Variants in SLC44A1 observed in about 807,000 individuals in gnomAD.
SLC44A1 encodes the protein choline transporter-like protein 1.
In SLC44A1, 26 loss-of-function variants were observed where a neutral mutation model predicts 79.3. That is an observed-to-expected ratio of 0.33 (90% confidence interval 0.24 to 0.46). SLC44A1 has a LOEUF of 0.46. Ranked by LOEUF, SLC44A1 falls within the 20% of genes least tolerant of loss-of-function variation. SLC44A1 has a pLI of 1.00. For missense variants in SLC44A1, 688 were observed against 798.1 expected, an observed-to-expected ratio of 0.86 and a Z score of 1.66; for synonymous variants, 263 against 286.2, an observed-to-expected ratio of 0.92 and a Z score of 0.82.
chr9:105,273,623 A>G (rs2131235407), intron 1 of SLC44A1, among the ~76,000 whole-genome samples: 1 of 152,184 alleles, frequency 6.6e-6, no homozygotes, highest in African/African-American at 2.4e-5. Context: ...AGCAGTAGGA[A>G]TCTTGAAGAT....
At chr9:105,275,724 A>T (rs572434459) in intron 1 of SLC44A1, among the ~76,000 whole-genome samples, 52 of 152,164 alleles carry the variant, frequency 3.4e-4, no homozygotes, top group African/African-American at 1.3e-3. Flanking sequence ...CCTTGATCAT[A>T]TCAGCAGTGC....
At chr9:105,416,677 T>C (rs1374473460) in intron 15 of SLC44A1, among the ~76,000 whole-genome samples, 1 of 152,196 alleles carries the variant, frequency 6.6e-6, no homozygotes, top group African/African-American at 2.4e-5. Context: ...TATGTTCTTA[T>C]AAAGTGTGAG....
chr9:105,376,898 T>A (rs1379301466), intron 13 of SLC44A1, among the ~76,000 whole-genome samples: 1 of 152,214 alleles, frequency 6.6e-6, no homozygotes, highest in Non-Finnish European at 1.5e-5. Context: ...AAAAATTAAA[T>A]TGGCCAAATT....
chr9:105,336,415 T>C (rs948277680), intron 4 of SLC44A1, among the ~76,000 whole-genome samples: 2 of 152,190 alleles, frequency 1.3e-5, no homozygotes, highest in Non-Finnish European at 2.9e-5. Flanking sequence ...GAAATCTAGC[T>C]CTGTTCTCTG....
intron 13 of SLC44A1, among the ~76,000 whole-genome samples, chr9:105,375,196 C>T (rs555939302): frequency 6.6e-6 from 1 of 152,152 alleles, no homozygotes; most frequent in Non-Finnish European, 1.5e-5. Flanking sequence ...CGTGCCACCA[C>T]GCCCGGCTAA....
At chr9:105,364,925 T>C (rs1344353902) in intron 10 of SLC44A1, among the ~76,000 whole-genome samples, 2 of 152,248 alleles carry the variant, frequency 1.3e-5, no homozygotes, top group African/African-American at 4.8e-5. Flanking sequence ...CTTTATACTT[T>C]TCTGCAGTTG....
At chr9:105,337,499 A>G (rs1826959701) in intron 4 of SLC44A1, among the ~76,000 whole-genome samples, 1 of 152,190 alleles carries the variant, frequency 6.6e-6, no homozygotes, top group Non-Finnish European at 1.5e-5. Context: ...ATGGAATGTA[A>G]TAGTCTTTCT....
intron 15 of SLC44A1, among the ~76,000 whole-genome samples, chr9:105,420,058 G>A (rs1829225487): frequency 6.6e-6 from 1 of 152,108 alleles, no homozygotes; most frequent in South Asian, 2.1e-4. Flanking sequence ...ATGCCGTTCA[G>A]CAGTTCTTCG....
chr9:105,366,150 A>C (rs777859343), intron 11 of SLC44A1, among the ~76,000 whole-genome samples, 196 bp from the exon 12 acceptor site: 2 of 152,176 alleles, frequency 1.3e-5, no homozygotes, highest in Non-Finnish European at 2.9e-5. Flanking sequence ...TGCAGTAGAG[A>C]CTAAATAAAT....
chr9:105,285,063 ATGT>A (rs1365717036), intron 1 of SLC44A1, among the ~76,000 whole-genome samples: 1 of 152,174 alleles, frequency 6.6e-6, no homozygotes, highest in Non-Finnish European at 1.5e-5. Flanking sequence ...AGGTTCATTC[ATGT>A]TGTAGCATGT....
chr9:105,424,925 G>A (rs1180264219), intron 15 of SLC44A1, among the ~76,000 whole-genome samples: 1 of 146,228 alleles, frequency 6.8e-6, no homozygotes, highest in African/African-American at 2.7e-5. Context: ...CTCCAGCCTG[G>A]GCAACAGAGT....
At chr9:105,351,461 G>A (rs1170445286) in intron 5 of SLC44A1, among the ~76,000 whole-genome samples, 1 of 151,664 alleles carries the variant, frequency 6.6e-6, no homozygotes, top group Non-Finnish European at 1.5e-5. Flanking sequence ...TTGAACCTGG[G>A]AGGTGGAATT....
At chr9:105,331,163 G>A (rs1195011388) in intron 3 of SLC44A1, among the ~76,000 whole-genome samples, 1 of 152,150 alleles carries the variant, frequency 6.6e-6, no homozygotes, top group African/African-American at 2.4e-5. Flanking sequence ...GATTCACTGA[G>A]GATAACAACG....
At chr9:105,380,538 G>A (rs1040739722) in intron 13 of SLC44A1, among the ~76,000 whole-genome samples, 7 of 151,596 alleles carry the variant, frequency 4.6e-5, no homozygotes, top group African/African-American at 9.7e-5. Context: ...TTTGATCACA[G>A]TTGTTCAATA....
Position 105,396,189 on chromosome 9 carries a change from A to G in SLC44A1, c.*7133A>G, listed in dbSNP as rs1828872187. The G allele has an allele frequency of 1.0e-6, 1 of 985,214 alleles. No homozygotes were observed. The allele number at this position is 985,214 out of a possible 1,614,324, so 61.0% of individuals were successfully genotyped here. ...GTTTTCTGACTTCTTCCCTATAAAA[A>G]GATACTGAGAGCTCCATAATGAAAG... On this transcript the variant is annotated 3_prime_UTR_variant, in exon 16 of 16. Coordinates refer to ENST00000374720, the MANE Select transcript of SLC44A1 (RefSeq NM_080546.5).
chr9:105,263,528 CAT>C (rs932001704), intron 1 of SLC44A1, among the ~76,000 whole-genome samples: 16 of 149,688 alleles, frequency 1.1e-4, no homozygotes, highest in Admixed American at 6.7e-4. Context: ...ATCAGTTACA[CAT>C]GTGTGTATTT....
intron 15 of SLC44A1, among the ~76,000 whole-genome samples, chr9:105,420,053 G>A (rs1028507077): frequency 1.3e-5 from 2 of 152,034 alleles, no homozygotes; most frequent in Non-Finnish European, 2.9e-5. Context: ...TGCCTATGCC[G>A]TTCAGCAGTT....
chr9:105,358,588 C>T (rs963990864), intron 7 of SLC44A1, among the ~76,000 whole-genome samples, 155 bp downstream of exon 7: 1 of 151,894 alleles, frequency 6.6e-6, no homozygotes, highest in East Asian at 1.9e-4. Flanking sequence ...ATTATATTTG[C>T]CCCTCCCCTC....
chr9:105,412,745 A>C (rs1204842991), intron 15 of SLC44A1, among the ~76,000 whole-genome samples: 1 of 151,872 alleles, frequency 6.6e-6, no homozygotes, highest in Non-Finnish European at 1.5e-5. Context: ...AGGATTACAG[A>C]CACCTGCCAC....
Sources: allele counts gnomAD v4.1 joint callset (sites outside exome capture counted in the v4.1 genomes callset), GRCh38; gene constraint gnomAD v4.1.1; transcripts MANE v1.5; gene names NCBI Gene and HGNC (gene_info 2026-07-23, HGNC 2026-07-21).